The following MEIKIN variants were observed in gnomAD, a reference collection of about 807,000 sequenced individuals.
MEIKIN encodes the protein meiosis-specific kinetochore protein.
intron 8 of MEIKIN, among the ~76,000 whole-genome samples, chr5:131,893,898 T>C (rs1023403572): frequency 2.0e-5 from 3 of 152,230 alleles, no homozygotes; most frequent in African/African-American, 4.8e-5. Flanking sequence ...AGATCTTTAG[T>C]TTAATTAGAT....
rs1773040721 is a variant in MEIKIN, at chr5:131,813,507, A to T, written c.1099+5233T>A. ...AGTGGCATGATCTTGGCTCACTGAA[A>T]GCTCCGCCTCCCGGGTTCACGCCAT... On this transcript the variant is annotated intron_variant, in intron 12 of 12. Transcript: ENST00000442687. Among the ~76,000 whole-genome samples, 10 of 151,584 alleles carry T rather than the reference A, an allele frequency of 6.6e-5. No individual in the cohort carries two copies. In the South Asian group the frequency reaches 2.1e-3, roughly 32 times the overall value.
chr5:131,911,924 A>G (rs1751340610), intron 7 of MEIKIN, 45 bp from the exon 8 acceptor site: 1 of 397,010 alleles, frequency 2.5e-6, no homozygotes, highest in Non-Finnish European at 4.5e-6. Flanking sequence ...TAAATCCTTC[A>G]GTAACTTTCA....
chr5:131,937,348 T>C (rs1751798711), intron 4 of MEIKIN, among the ~76,000 whole-genome samples: 1 of 152,202 alleles, frequency 6.6e-6, no homozygotes, highest in Non-Finnish European at 1.5e-5. Flanking sequence ...AACCTCACTG[T>C]TCCCTCTTCC....
chr5:131,920,696 C>T (rs1484668292), intron 6 of MEIKIN, among the ~76,000 whole-genome samples: 4 of 144,510 alleles, frequency 2.8e-5, no homozygotes, highest in African/African-American at 1.1e-4. Flanking sequence ...TGCATAACTT[C>T]ATTTTTTTTT....
rs59867664 is a variant in MEIKIN, at chr5:131,945,246, G to A, written c.110C>T (p.Ser37Leu). 2.4e-4 allele frequency: 95 copies of A among 399,108 alleles called. No individual in the cohort carries two copies. The highest frequency in any genetic ancestry group is 3.8e-4 in the Non-Finnish European group (85 of 226,138). 24.7% of individuals were successfully genotyped at this position (399,108 alleles called of 1,614,324 possible). ...GCCGTGCACTTTGCCTTTTCTCTTC[G>A]AACCTGAGAGAGGGCGGCACGTTTC... is the stretch of plus-strand genomic sequence containing the variant. ...SPAKAEAPPG[S>L]KRKGKVHGLS... is the part of the protein sequence containing the mutation. The change falls in exon 2 of 13, where the codon TCG becomes TTG. Residue 37 changes from serine (S) to leucine (L), a missense_variant. Ser to Leu is a moderately radical substitution (Grantham distance 145, BLOSUM62 -2). Transcript: ENST00000442687.
chr5:131,833,733 C>G (rs1390342888), intron 11 of MEIKIN, among the ~76,000 whole-genome samples: 1 of 152,164 alleles, frequency 6.6e-6, no homozygotes, highest in Non-Finnish European at 1.5e-5. Context: ...AATTACCTCC[C>G]AATGGGTCCC....
chr5:131,874,081 A>C (rs1022176824), intron 9 of MEIKIN, among the ~76,000 whole-genome samples: 15 of 152,246 alleles, frequency 9.9e-5, no homozygotes, highest in African/African-American at 3.6e-4. Flanking sequence ...CACAATTAAA[A>C]TAACTAGAAA....
intron 9 of MEIKIN, among the ~76,000 whole-genome samples, chr5:131,862,428 C>T (rs1254366210): frequency 1.3e-5 from 2 of 151,600 alleles, no homozygotes; most frequent in African/African-American, 4.8e-5. Flanking sequence ...TTTTTTTAGT[C>T]TCTATTTCAT....
At chr5:131,824,836 A>C (rs899259817) in intron 11 of MEIKIN, among the ~76,000 whole-genome samples, 3 of 152,170 alleles carry the variant, frequency 2.0e-5, no homozygotes, top group Non-Finnish European at 4.4e-5. Context: ...ATGAATCCAC[A>C]GATTTAGGAA....
intron 11 of MEIKIN, among the ~76,000 whole-genome samples, chr5:131,848,588 T>C (rs1750058137): frequency 2.0e-5 from 3 of 152,326 alleles, no homozygotes; most frequent in Admixed American, 6.5e-5. Context: ...TGGTGAATTC[T>C]ACCAAACATT....
At chr5:131,881,823 T>C (rs1404073436) in intron 8 of MEIKIN, among the ~76,000 whole-genome samples, 1 of 152,198 alleles carries the variant, frequency 6.6e-6, no homozygotes, top group Non-Finnish European at 1.5e-5. Context: ...AGACTACCAC[T>C]GTTTCGACAT....
chr5:131,893,557 G>A lies in MEIKIN; in HGVS notation c.704-14509C>T, dbSNP rs535802567. ...CACTTCCCGGGTGAGGCGATGCCTC[G>A]CCCTGCTTCAGCTCACGCATGGTGT... On this transcript the variant is annotated intron_variant, in intron 8 of 12. Coordinates refer to ENST00000442687, the MANE Select transcript of MEIKIN (RefSeq NM_001303622.2). Among the ~76,000 whole-genome samples the A allele has an allele frequency of 2.5e-3, 385 of 152,258 alleles. 2 individuals are homozygous for A. Among genetic ancestry groups the A allele is most frequent in the African/African-American group, 8.8e-3 (365 of 41,550 alleles).
chr5:131,814,286 T>C (rs1329029367), intron 12 of MEIKIN, among the ~76,000 whole-genome samples: 2 of 151,810 alleles, frequency 1.3e-5, no homozygotes. Context: ...ATCTTTTTTT[T>C]TTTTTTTTGA....
At chr5:131,828,903 A>C (rs1300366826) in intron 11 of MEIKIN, among the ~76,000 whole-genome samples, 1 of 152,350 alleles carries the variant, frequency 6.6e-6, no homozygotes, top group Non-Finnish European at 1.5e-5. Context: ...ATTTAAAACT[A>C]CATAAACCCA....
chr5:131,844,024 T>C (rs1749965855), intron 11 of MEIKIN, among the ~76,000 whole-genome samples: 1 of 152,110 alleles, frequency 6.6e-6, no homozygotes, highest in South Asian at 2.1e-4. Context: ...GGAAACATGG[T>C]TACGGCAGAA....
intron 10 of MEIKIN, among the ~76,000 whole-genome samples, chr5:131,852,768 C>G (rs1260120683): frequency 6.6e-6 from 1 of 151,972 alleles, no homozygotes; most frequent in Non-Finnish European, 1.5e-5. Context: ...CTAAAAACCA[C>G]TGAATTATAT....
intron 8 of MEIKIN, among the ~76,000 whole-genome samples, chr5:131,893,519 C>A (rs375385563): frequency 8.5e-5 from 13 of 152,224 alleles, no homozygotes; most frequent in East Asian, 5.8e-4. Flanking sequence ...AAAGGGAATT[C>A]TCTCACCCCT....
intron 8 of MEIKIN, among the ~76,000 whole-genome samples, chr5:131,911,402 A>C (rs1486090133): frequency 6.6e-6 from 1 of 152,014 alleles, no homozygotes. Flanking sequence ...ATTTATCCTA[A>C]TAGTAAACTA....
intron 8 of MEIKIN, among the ~76,000 whole-genome samples, chr5:131,906,886 T>C (rs1041070547): frequency 5.9e-5 from 9 of 152,020 alleles, no homozygotes; most frequent in Non-Finnish European, 8.8e-5. Context: ...AGGGTGACTA[T>C]TGAAAAAGTA....
Sources: allele counts gnomAD v4.1 joint callset (sites outside exome capture counted in the v4.1 genomes callset), GRCh38; gene constraint gnomAD v4.1.1; transcripts MANE v1.5; gene names NCBI Gene and HGNC (gene_info 2026-07-23, HGNC 2026-07-21).